ZHX1: variants seen among roughly 807,000 people sequenced by gnomAD.
ZHX1 encodes zinc fingers and homeoboxes 1.
A neutral mutation model predicts 61.8 loss-of-function variants in ZHX1; 20 were observed. That is an observed-to-expected ratio of 0.32 (90% CI 0.23 to 0.47). The LOEUF (loss-of-function observed/expected upper bound fraction) is 0.47, where lower values mean the gene tolerates loss of function less well. Ranked by LOEUF, ZHX1 falls within the 20% of genes least tolerant of loss-of-function variation. The pLI, the probability that ZHX1 is intolerant of heterozygous loss-of-function variation, is 1.00. For synonymous variants in ZHX1, 318 were observed against 352.6 expected (o/e 0.90, Z 1.10); for missense variants, 800 against 1,034.8 (o/e 0.77, Z 3.11).
At chr8:123,259,196 G>C (rs1024394771) in intron 2 of ZHX1, among the ~76,000 whole-genome samples, 2 of 152,126 alleles carry the variant, frequency 1.3e-5, no homozygotes, top group Admixed American at 1.3e-4. Flanking sequence ...ACCAAATAAA[G>C]AGCATCAGTT....
chr8:123,275,110 C>G (rs1283937279), upstream of ZHX1, among the ~76,000 whole-genome samples: 1 of 152,226 alleles, frequency 6.6e-6, no homozygotes, highest in Non-Finnish European at 1.5e-5. Context: ...GCCCCTCAGC[C>G]GCCCTCCTCC....
In ZHX1 at chr8:123,254,060, T is replaced by C; in HGVS notation, c.1887A>G (p.Lys629=). 6.2e-7 allele frequency: 1 copy of C among 1,614,046 alleles called. No individual in the cohort carries two copies. The highest frequency in any genetic ancestry group is 8.5e-7 in the Non-Finnish European group (1 of 1,180,018). The change falls in exon 3 of 4, where the codon AAA becomes AAG. Residue 629 remains lysine (K), a synonymous_variant. Transcript: ENST00000395571. The surrounding 1 kb of genome is among the most constrained non-coding windows in gnomAD (Gnocchi z 4.1). ...CTGCATTACTTTCATCTATTTCCAT[T>C]TTCTCTTCCTTTAAAGCTTTTGATT... ...KKKSKALKEE[K]MEIDESNAGS...
rs757146815 is a variant in ZHX1 at position 123,253,773 on chromosome 8, T to C, written c.2174A>G (p.Tyr725Cys). 45 of 1,614,096 alleles carry C rather than the reference T, an allele frequency of 2.8e-5. No individual in the cohort carries two copies. The highest frequency in any genetic ancestry group is 3.8e-5 in the Non-Finnish European group (45 of 1,180,034). ...ACTACTTGAATTGGCGCTCTGATAG[T>C]AGTAGTACCATTTCAAGTTTCCATT... ...WKNGNLKWYY[Y>C]YQSANSSSMN... is the part of the protein sequence containing the mutation. Residue 725 changes from tyrosine to cysteine, a missense_variant, in exon 3 of 4, where the codon TAC (tyrosine) becomes TGC (cysteine). By Grantham distance (194) the Tyr-to-Cys change is radical. Transcript: ENST00000395571.
intron 1 of ZHX1, among the ~76,000 whole-genome samples, chr8:123,272,731 A>ATATATG (rs1392438736): frequency 6.6e-6 from 1 of 152,202 alleles, no homozygotes; most frequent in Non-Finnish European, 1.5e-5. Context: ...AAGTGCTCTT[A>ATATATG]TATATGTATA....
intron 1 of ZHX1, among the ~76,000 whole-genome samples, chr8:123,269,040 C>T (rs1009513767): frequency 6.6e-6 from 1 of 152,114 alleles, no homozygotes; most frequent in African/African-American, 2.4e-5. Context: ...TCCTGGTAGG[C>T]CCAGTGGAGC....
rs1191785321 is a variant in ZHX1, at chr8:123,256,050, C to G, written c.-104G>C. ...ACAATGGCTTTTGGTTCTTCAAGTC[C>G]ATTTTTGTGCTCAACAAGTCTCATT... is the stretch of plus-strand genomic sequence containing the variant. On this transcript the variant is annotated 5_prime_UTR_variant, in exon 3 of 4. It removes an upstream start codon present in the reference 5' UTR. Coordinates refer to ENST00000395571, the MANE Select transcript of ZHX1 (RefSeq NM_007222.5). 9.3e-7 allele frequency: 1 copy of G among 1,077,084 alleles called. No homozygotes were observed. The highest frequency in any genetic ancestry group is 1.3e-6 in the Non-Finnish European group (1 of 762,102). The allele number at this position is 1,077,084 out of a possible 1,614,324, so 66.7% of individuals were successfully genotyped here.
intron 2 of ZHX1, among the ~76,000 whole-genome samples, chr8:123,266,817 T>C (rs532416534): frequency 6.6e-6 from 1 of 152,324 alleles, no homozygotes; most frequent in South Asian, 2.1e-4. Context: ...CTGACTCTTA[T>C]AATTAACTAT....
chr8:123,255,042 G>A lies in ZHX1; in HGVS notation c.905C>T (p.Thr302Ile), dbSNP rs369629237. 1 of 1,614,026 alleles carries A rather than the reference G, an allele frequency of 6.2e-7. No homozygotes were observed. The highest frequency in any genetic ancestry group is 1.3e-5 in the African/African-American group (1 of 74,926). Residue 302 changes from threonine to isoleucine, a missense_variant, in exon 3 of 4, where the codon ACC (threonine) becomes ATC (isoleucine). By Grantham distance (89) the Thr-to-Ile change is moderately conservative (BLOSUM62 -1). Coordinates refer to ENST00000395571, the MANE Select transcript of ZHX1 (RefSeq NM_007222.5). ...TGTTGGGTAAGGGAACTTGTTGTAG[G>A]TGTTAAGTAAAAGGGGATTGTTATC... ...ALDNNPLLLN[T>I]YNKFPYPTMS...
intron 2 of ZHX1, among the ~76,000 whole-genome samples, chr8:123,262,372 A>G (rs186851826): frequency 6.6e-5 from 10 of 152,358 alleles, no homozygotes; most frequent in Admixed American, 2.0e-4. Context: ...AAATTTGCAT[A>G]TAATTATAAT....
chr8:123,273,343 T>C (rs1826722763), intron 1 of ZHX1, among the ~76,000 whole-genome samples: 1 of 152,184 alleles, frequency 6.6e-6, no homozygotes, highest in African/African-American at 2.4e-5. Flanking sequence ...ACCTTGTTCC[T>C]CTCACACCTC....
At chr8:123,262,923 C>T (rs1408138144) in intron 2 of ZHX1, 1 of 131,834 alleles carries the variant, frequency 7.6e-6, no homozygotes, top group Non-Finnish European at 1.6e-5. Flanking sequence ...GGATGACATG[C>T]AAATTTGTTT....
chr8:123,259,236 AT>A (rs1826168673), intron 2 of ZHX1, among the ~76,000 whole-genome samples: 1 of 152,216 alleles, frequency 6.6e-6, no homozygotes, highest in South Asian at 2.1e-4. Context: ...AATAATCCAG[AT>A]CCCTACTCTC....
chr8:123,250,757 T>C (rs1825894703), intron 3 of ZHX1, among the ~76,000 whole-genome samples: 1 of 152,234 alleles, frequency 6.6e-6, no homozygotes, highest in Non-Finnish European at 1.5e-5. Context: ...AATAACTATT[T>C]AGAGAAGGCT....
intron 2 of ZHX1, among the ~76,000 whole-genome samples, chr8:123,257,486 G>C (rs769722680): frequency 6.6e-6 from 1 of 152,120 alleles, no homozygotes; most frequent in Non-Finnish European, 1.5e-5. Flanking sequence ...CCTTAGGTTA[G>C]GACACTTGAT....
At chr8:123,251,224 T>G (rs1825909079) in intron 3 of ZHX1, among the ~76,000 whole-genome samples, 1 of 152,154 alleles carries the variant, frequency 6.6e-6, no homozygotes, top group South Asian at 2.1e-4. Flanking sequence ...CTTCCCCTTC[T>G]TCCCCTTCGC....
chr8:123,267,198 A>G (rs528183941), intron 2 of ZHX1, 75 bp downstream of exon 2: 2 of 1,381,558 alleles, frequency 1.4e-6, no homozygotes, highest in South Asian at 2.7e-5. Context: ...CTTTAGACAA[A>G]TATAGTATCA....
At chr8:123,267,160 G>T in intron 2 of ZHX1, 113 bp downstream of exon 2, 1 of 944,086 alleles carries the variant, frequency 1.1e-6, no homozygotes, top group Non-Finnish European at 1.5e-6. Flanking sequence ...GCATATGTCT[G>T]CTGCTTTTTA....
rs568920449 is a variant in ZHX1 at position 123,272,059 on chromosome 8, A to G, written c.-340+2158T>C. On this transcript the variant is annotated intron_variant, in intron 1 of 3. Coordinates refer to ENST00000395571, the MANE Select transcript of ZHX1 (RefSeq NM_007222.5). ...CATTGAGGAAACCAAAGAACAGCAC[A>G]CGTGCATAAAATGTTCCAAATGTAA... 4.6e-5 allele frequency among the ~76,000 whole-genome samples: 7 copies of G among 152,376 alleles called. No homozygotes were observed. The East Asian group carries it at 1.3e-3, about 29-fold the overall frequency.
At chr8:123,251,181 T>G (rs1825907343) in intron 3 of ZHX1, among the ~76,000 whole-genome samples, 1 of 152,176 alleles carries the variant, frequency 6.6e-6, no homozygotes. Flanking sequence ...CCTTTCGCTC[T>G]CTCTCCTGTT....
Sources: gnomAD v4.1 joint callset for allele counts (sites outside exome capture counted in the v4.1 genomes callset) on GRCh38, gnomAD v4.1.1 for gene constraint, Gnocchi (gnomAD v3.1) non-coding constraint, MANE v1.5 for transcripts, NCBI Gene and HGNC (gene_info 2026-07-23, HGNC 2026-07-21) for gene names.